MYO16: variants seen among roughly 807,000 people sequenced by gnomAD.
MYO16 encodes the protein unconventional myosin-XVI.
Under a neutral mutation model 205.3 loss-of-function variants are expected in MYO16, and 94 were observed. The ratio of observed to expected loss-of-function variants is 0.46; its 90% CI spans 0.39 to 0.54. The LOEUF is 0.54. Among genes scored for constraint, MYO16 ranks in the 20% least tolerant of loss-of-function variants. The pLI is 0.00. For missense variants in MYO16, 2,315 were observed against 2,387.5 expected, an observed-to-expected ratio of 0.97 and a Z score of 0.63; for synonymous variants, 988 against 954.0, an observed-to-expected ratio of 1.04 and a Z score of -0.66.
chr13:109,181,626 G>C (rs550898110), intron 34 of MYO16, among the ~76,000 whole-genome samples: 1 of 152,052 alleles, frequency 6.6e-6, no homozygotes, highest in Admixed American at 6.6e-5. Flanking sequence ...ATGTCTGGGC[G>C]TTATGGTAGA....
chr13:108,601,878 G>A (rs996951484), intron 1 of MYO16, among the ~76,000 whole-genome samples: 3 of 152,032 alleles, frequency 2.0e-5, no homozygotes, highest in Admixed American at 1.3e-4. Flanking sequence ...GTGTGACTTT[G>A]AAATTGGTGC....
chr13:108,988,817 C>A (rs1048179752), intron 20 of MYO16, among the ~76,000 whole-genome samples: 5 of 152,310 alleles, frequency 3.3e-5, no homozygotes, highest in Middle Eastern at 6.8e-3. Context: ...GAGAGCCTGA[C>A]ATAGGGACCC....
At chr13:108,754,893 T>C (rs1306787257) in intron 4 of MYO16, among the ~76,000 whole-genome samples, 1 of 152,148 alleles carries the variant, frequency 6.6e-6, no homozygotes, top group African/African-American at 2.4e-5. Context: ...TAAAGAACAT[T>C]CCTGTGTTAG....
At chr13:108,982,986 C>A (rs1460966946) in intron 20 of MYO16, among the ~76,000 whole-genome samples, 1 of 151,980 alleles carries the variant, frequency 6.6e-6, no homozygotes, top group Non-Finnish European at 1.5e-5. Flanking sequence ...GCCACACTTT[C>A]TTTCATTTTT....
the MYO16 span, among the ~76,000 whole-genome samples, chr13:108,586,004 A>G: frequency 0.011 from 1,673 of 152,324 alleles, 12 homozygotes; most frequent in Non-Finnish European, 0.018. Flanking sequence ...AATTACTAGA[A>G]GTTTCAATAA....
the MYO16 span, among the ~76,000 whole-genome samples, chr13:108,578,734 A>C: frequency 6.6e-6 from 1 of 152,162 alleles, no homozygotes; most frequent in Non-Finnish European, 1.5e-5. Flanking sequence ...CGAGATACAC[A>C]TCACTAAGAG....
chr13:108,727,198 T>C (rs6492138), intron 3 of MYO16, among the ~76,000 whole-genome samples: 4,606 of 152,128 alleles, frequency 0.03, 224 homozygotes, highest in African/African-American at 0.11. Flanking sequence ...TTTTTCGACC[T>C]TCCTACTATC....
At chr13:108,549,466 C>T in the MYO16 span, among the ~76,000 whole-genome samples, 1 of 151,846 alleles carries the variant, frequency 6.6e-6, no homozygotes, top group East Asian at 1.9e-4. Context: ...ACCACTGTAA[C>T]TGTAAAATAA....
chr13:108,721,403 G>A (rs2139571268), intron 3 of MYO16, among the ~76,000 whole-genome samples: 1 of 152,290 alleles, frequency 6.6e-6, no homozygotes, highest in South Asian at 2.1e-4. Flanking sequence ...AAAGATTGGT[G>A]GAGTCCAGGA....
At chr13:109,057,351 A>G (rs945487239) in intron 27 of MYO16, among the ~76,000 whole-genome samples, 2 of 152,226 alleles carry the variant, frequency 1.3e-5, no homozygotes, top group Non-Finnish European at 2.9e-5. Context: ...AAACTGTAGA[A>G]TATGTATTTC....
At chr13:109,097,746 T>C (rs1165378849) in intron 27 of MYO16, among the ~76,000 whole-genome samples, 2 of 152,198 alleles carry the variant, frequency 1.3e-5, no homozygotes, top group East Asian at 3.9e-4. Flanking sequence ...CCTCAGTCTC[T>C]GTTACTTACC....
intron 16 of MYO16, among the ~76,000 whole-genome samples, chr13:108,940,875 G>A (rs1882696282): frequency 6.6e-6 from 1 of 152,186 alleles, no homozygotes; most frequent in Admixed American, 6.5e-5. Flanking sequence ...TTTACTGTAT[G>A]TATGCATAAT....
chr13:108,972,856 T>A (rs766155701), intron 20 of MYO16, among the ~76,000 whole-genome samples: 1 of 149,012 alleles, frequency 6.7e-6, no homozygotes, highest in Non-Finnish European at 1.5e-5. Flanking sequence ...TGGGTTTTCT[T>A]TTTTTGTTTT....
intron 1 of MYO16, among the ~76,000 whole-genome samples, chr13:108,654,527 C>A (rs572558313): frequency 6.6e-6 from 1 of 152,060 alleles, no homozygotes; most frequent in Non-Finnish European, 1.5e-5. Flanking sequence ...ATCAGCAGCA[C>A]GAAAATTGAC....
At chr13:108,895,957 C>T (rs2084093540) in intron 14 of MYO16, among the ~76,000 whole-genome samples, 1 of 152,148 alleles carries the variant, frequency 6.6e-6, no homozygotes, top group Admixed American at 6.5e-5. Flanking sequence ...GTTATTCCAG[C>T]GTGAGAATTA....
At chr13:108,562,870 C>T in the MYO16 span, among the ~76,000 whole-genome samples, 2 of 152,074 alleles carry the variant, frequency 1.3e-5, no homozygotes, top group East Asian at 1.9e-4. Flanking sequence ...TTTAATGACA[C>T]GTTTTCAGAA....
intron 27 of MYO16, among the ~76,000 whole-genome samples, chr13:109,085,044 A>C (rs533325242): frequency 6.6e-6 from 1 of 152,294 alleles, no homozygotes; most frequent in African/African-American, 2.4e-5. Flanking sequence ...AAGCAGGTGC[A>C]GAAGTGCAGC....
intron 7 of MYO16, among the ~76,000 whole-genome samples, chr13:108,811,615 A>G (rs1317037123): frequency 6.6e-6 from 1 of 150,970 alleles, no homozygotes; most frequent in Non-Finnish European, 1.5e-5. Flanking sequence ...TCATTTGTTC[A>G]CCACAAAACT....
At position 109,127,658 on chromosome 13, in the gene MYO16, A is replaced by G. The variant is rs2139776372; in HGVS notation, c.4051+108A>G. The G allele has an allele frequency of 1.8e-6, 2 of 1,114,644 alleles. No homozygotes were observed. The highest frequency in any genetic ancestry group is 2.7e-5 in the Admixed American group (1 of 37,240). 69.0% of individuals were successfully genotyped at this position (1,114,644 alleles called of 1,614,324 possible). A position where few individuals can be genotyped will look rare whatever the true frequency, so the allele number is the denominator to read the frequency against. ...GTCGCCCTAATGTATTCTTAATAGAAATAAATCCAATTGTTGGCTTGCCAG... is the reference window on the plus strand; with the variant it reads ...GTCGCCCTAATGTATTCTTAATAGAGATAAATCCAATTGTTGGCTTGCCAG... On this transcript the variant is annotated intron_variant, in intron 31 of 34. Transcript: ENST00000457511. This position sits in a 1 kb window ranked among gnomAD's most constrained non-coding sequence, Gnocchi z 4.2.
Sources: gnomAD v4.1 joint callset for allele counts (sites outside exome capture counted in the v4.1 genomes callset) on GRCh38, gnomAD v4.1.1 for gene constraint, Gnocchi (gnomAD v3.1) non-coding constraint, MANE v1.5 for transcripts, NCBI Gene and HGNC (gene_info 2026-07-23, HGNC 2026-07-21) for gene names.